Variants in AVEN observed in about 807,000 individuals in gnomAD.
The protein encoded by AVEN is apoptosis and caspase activation inhibitor.
Under a neutral mutation model 38.1 loss-of-function variants are expected in AVEN, and 41 were observed. That is an observed-to-expected ratio of 1.08 (90% CI 0.84 to 1.40). The LOEUF (loss-of-function observed/expected upper bound fraction) is 1.40, where lower values mean the gene tolerates loss of function less well. Ranked by LOEUF, AVEN falls within the 40% of genes most tolerant of loss-of-function variation. The pLI, the probability that AVEN is intolerant of heterozygous loss-of-function variation, is 0.00. For synonymous variants in AVEN, 206 were observed against 171.8 expected, an observed-to-expected ratio of 1.20 and a Z score of -1.56; for missense variants, 605 against 438.8, an observed-to-expected ratio of 1.38 and a Z score of -3.38.
intron 4 of AVEN, among the ~76,000 whole-genome samples, chr15:33,869,523 TCAG>T (rs1890844713): frequency 1.3e-5 from 2 of 152,248 alleles, no homozygotes; most frequent in South Asian, 2.1e-4. Flanking sequence ...TCACTGGACA[TCAG>T]CAGAAGAGCC....
intron 5 of AVEN, among the ~76,000 whole-genome samples, chr15:34,047,267 C>T (rs1322471964): frequency 6.6e-6 from 1 of 152,042 alleles, no homozygotes; most frequent in East Asian, 1.9e-4. Flanking sequence ...TTAGTAGAGA[C>T]GGGGTTTCAC....
chr15:34,073,462 A>G (rs5020965), intron 1 of AVEN, among the ~76,000 whole-genome samples: 71,466 of 150,538 alleles, frequency 0.47, 20,612 homozygotes, highest in Non-Finnish European at 0.65. Context: ...CAAAAACAAA[A>G]AAATCATAAG....
intron 2 of AVEN, among the ~76,000 whole-genome samples, chr15:33,954,164 G>A (rs1321927513): frequency 1.3e-5 from 2 of 152,232 alleles, no homozygotes; most frequent in Admixed American, 6.5e-5. Flanking sequence ...AGATGCTGGA[G>A]AGGATGTGGA....
At chr15:33,934,865 T>A (rs1713474396) in intron 2 of AVEN, among the ~76,000 whole-genome samples, 1 of 152,198 alleles carries the variant, frequency 6.6e-6, no homozygotes, top group Non-Finnish European at 1.5e-5. Flanking sequence ...TTCTAACCTG[T>A]TTCCTCAACT....
the AVEN span, chr15:33,852,854 A>G: frequency 1.9e-6 from 1 of 535,248 alleles, no homozygotes; most frequent in Non-Finnish European, 3.4e-6. Context: ...GCCAATACAA[A>G]GTAATGAAGC....
intron 2 of AVEN, among the ~76,000 whole-genome samples, chr15:33,900,821 C>CT (rs60430515): frequency 0.88 from 133,876 of 152,128 alleles, 60,473 homozygotes; most frequent in Non-Finnish European, 0.98. Context: ...CAACTATTAA[C>CT]TGCCAACGAA....
intron 2 of AVEN, among the ~76,000 whole-genome samples, chr15:33,918,160 A>C (rs954804913): frequency 6.6e-6 from 1 of 152,194 alleles, no homozygotes; most frequent in Non-Finnish European, 1.5e-5. Context: ...GTTTCATTCT[A>C]AGCTTTCTGA....
chr15:33,985,359 G>A lies in AVEN; in HGVS notation c.445+17673C>T, dbSNP rs576293149. ...TGCTGTGGGCTTTATTACAGGGAAG[G>A]AACACTGAGCTGAGTGTTCCTTTGT... On this transcript the variant is annotated intron_variant, in intron 2 of 5. Coordinates refer to ENST00000306730, the MANE Select transcript of AVEN (RefSeq NM_020371.3). Among the ~76,000 whole-genome samples the A allele has an allele frequency of 2.6e-5, 4 of 151,110 alleles. No individual in the cohort carries two copies. The East Asian group carries it at 5.9e-4, about 22-fold the overall frequency.
In AVEN at chr15:33,866,369, G is replaced by C. The variant is rs1444117477; in HGVS notation, c.*244C>G. The stretch of plus-strand genomic sequence containing the variant: ...GGAAGGAGGCTAGAAACAAGGGCCA[G>C]AGTCTATCTCCTGCCCTTAAGGAAA... On this transcript the variant is annotated 3_prime_UTR_variant, in exon 6 of 6. Transcript: ENST00000306730. 5.6e-6 allele frequency: 3 copies of C among 537,542 alleles called. No homozygotes were observed. Among genetic ancestry groups the C allele is most frequent in the Admixed American group, 3.5e-5 (1 of 28,358 alleles). 33.3% of individuals were successfully genotyped at this position (537,542 alleles called of 1,614,324 possible).
At chr15:33,958,260 A>G (rs1242636348) in intron 2 of AVEN, among the ~76,000 whole-genome samples, 1 of 152,182 alleles carries the variant, frequency 6.6e-6, no homozygotes, top group Non-Finnish European at 1.5e-5. Context: ...TTGCAAAATA[A>G]TTCACCTAGA....
intron 11 of AVEN, chr15:33,859,539 A>T: frequency 6.2e-7 from 1 of 1,611,782 alleles, no homozygotes; most frequent in Non-Finnish European, 8.5e-7. Context: ...CAGAACTGTG[A>T]CTTTTGCCTA....
At chr15:33,869,810 C>T (rs376742807) in intron 4 of AVEN, among the ~76,000 whole-genome samples, 3 of 150,794 alleles carry the variant, frequency 2.0e-5, no homozygotes, top group South Asian at 2.1e-4. Flanking sequence ...AAAATCAGTA[C>T]GTCCCAAGGT....
chr15:34,070,678 T>C (rs1159149920), intron 1 of AVEN, among the ~76,000 whole-genome samples: 1 of 152,166 alleles, frequency 6.6e-6, no homozygotes. Flanking sequence ...AGTCTAAGTC[T>C]TGGAGCATCT....
intron 2 of AVEN, among the ~76,000 whole-genome samples, chr15:33,930,341 C>CAAAAA (rs10610430): frequency 7.1e-6 from 1 of 141,418 alleles, no homozygotes; most frequent in South Asian, 2.2e-4. Flanking sequence ...CCATCTAGGA[C>CAAAAA]AAAAAAAAAA....
intron 2 of AVEN, among the ~76,000 whole-genome samples, chr15:33,928,253 T>C (rs116900127): frequency 7.5e-4 from 114 of 152,318 alleles, no homozygotes; most frequent in Non-Finnish European, 1.4e-3. Flanking sequence ...CTGACTGTTG[T>C]AAATTGAAAG....
intron 2 of AVEN, among the ~76,000 whole-genome samples, chr15:33,921,307 A>G (rs1223942989): frequency 6.6e-6 from 1 of 152,208 alleles, no homozygotes; most frequent in Non-Finnish European, 1.5e-5. Flanking sequence ...TCTAATTAAG[A>G]AGAAAGGCAA....
chr15:34,044,321 G>A (rs1429525042), intron 5 of AVEN, among the ~76,000 whole-genome samples: 2 of 152,078 alleles, frequency 1.3e-5, no homozygotes, highest in Non-Finnish European at 2.9e-5. Context: ...AAATCCAATG[G>A]TCAGGTCACT....
At chr15:33,995,821 C>T (rs774053744) in intron 2 of AVEN, among the ~76,000 whole-genome samples, 4 of 152,308 alleles carry the variant, frequency 2.6e-5, no homozygotes, top group African/African-American at 4.8e-5. Flanking sequence ...TCATCTCATT[C>T]GGACTGGTTG....
At chr15:33,857,735 G>C, downstream of AVEN, 3 of 1,611,404 alleles carry the variant, frequency 1.9e-6, no homozygotes, top group African/African-American at 1.3e-5. Flanking sequence ...TTTCAAGGTA[G>C]AGAAGACCCC....
Sources: allele counts gnomAD v4.1 joint callset (sites outside exome capture counted in the v4.1 genomes callset), GRCh38; gene constraint gnomAD v4.1.1; transcripts MANE v1.5; gene names NCBI Gene and HGNC (gene_info 2026-07-23, HGNC 2026-07-21).